The following METTL15 variants were observed in gnomAD, a reference collection of about 807,000 sequenced individuals.
METTL15 encodes the protein methyltransferase 15, mitochondrial 12S rRNA N4-cytidine.
In METTL15, 34 loss-of-function variants were observed where a neutral mutation model predicts 38.3. That is an observed-to-expected ratio of 0.89 (90% CI 0.68 to 1.18). The LOEUF is 1.18. METTL15 is among the 50% of genes most tolerant of loss of function. The pLI, the probability that METTL15 is intolerant of heterozygous loss-of-function variation, is 0.00. For missense variants in METTL15, 438 were observed against 498.4 expected (o/e 0.88, Z 1.15); for synonymous variants, 162 against 170.9 (o/e 0.95, Z 0.41).
At chr11:28,496,042 C>T (rs965741007) in intron 6 of METTL15, among the ~76,000 whole-genome samples, 2 of 152,062 alleles carry the variant, frequency 1.3e-5, no homozygotes, top group African/African-American at 4.8e-5. Context: ...TTGATCCTGG[C>T]ACAAATAGAC....
At chr11:28,336,385 A>G (rs1030180419), downstream of METTL15, among the ~76,000 whole-genome samples, 1 of 152,166 alleles carries the variant, frequency 6.6e-6, no homozygotes, top group East Asian at 1.9e-4. Context: ...TCCAAAATAC[A>G]TATTGAGGGG....
At chr11:28,481,000 G>C (rs555752553) in intron 6 of METTL15, among the ~76,000 whole-genome samples, 1 of 152,090 alleles carries the variant, frequency 6.6e-6, no homozygotes, top group African/African-American at 2.4e-5. Flanking sequence ...TGTTTAGGCA[G>C]GAAGAAGAGA....
At chr11:28,280,703 A>T (rs547411394) in intron 4 of METTL15, among the ~76,000 whole-genome samples, 84 of 146,956 alleles carry the variant, frequency 5.7e-4, no homozygotes, top group African/African-American at 2.0e-3. Context: ...AATTATTTCC[A>T]ATCTCTTCCT....
intron 5 of METTL15, among the ~76,000 whole-genome samples, chr11:28,376,156 G>A (rs547047775): frequency 2.6e-5 from 4 of 151,798 alleles, no homozygotes; most frequent in Non-Finnish European, 4.4e-5. Flanking sequence ...GATTTGGGGT[G>A]GAGAGTTCTG....
intron 4 of METTL15, among the ~76,000 whole-genome samples, chr11:28,243,496 C>T (rs932805040): frequency 6.6e-6 from 1 of 152,256 alleles, no homozygotes; most frequent in Admixed American, 6.5e-5. Context: ...TAGTATGTAT[C>T]ATAACTATAG....
At chr11:28,471,561 C>T (rs1336694403) in intron 6 of METTL15, among the ~76,000 whole-genome samples, 1 of 152,110 alleles carries the variant, frequency 6.6e-6, no homozygotes, top group East Asian at 1.9e-4. Context: ...TTGTAGCCCT[C>T]TCTTTGTGTG....
chr11:28,185,911 G>A (rs913913913), intron 3 of METTL15, among the ~76,000 whole-genome samples: 9 of 149,054 alleles, frequency 6.0e-5, no homozygotes, highest in East Asian at 3.9e-4. Context: ...ATATACACAC[G>A]TATCTAATAT....
chr11:28,311,041 CATT>C lies in METTL15; in HGVS notation c.778+14114_778+14116del, dbSNP rs778809490. 3.2e-4 allele frequency among the ~76,000 whole-genome samples: 47 copies of C among 147,234 alleles called. 1 individual carries two copies. Among genetic ancestry groups the C allele is most frequent in the Non-Finnish European group, 1.5e-4 (10 of 66,972 alleles). On this transcript the variant is annotated intron_variant, in intron 6 of 6. Transcript: ENST00000407364. ...GAGAGAGAGGAAGAGAGATTCCATCCATTATTTCCCAAGTTGGGCATGGTCTTT... is the reference window on the plus strand; with the variant it reads ...GAGAGAGAGGAAGAGAGATTCCATCCATTTCCCAAGTTGGGCATGGTCTTT...
chr11:28,464,738 G>A (rs888307073), intron 6 of METTL15, among the ~76,000 whole-genome samples: 1 of 152,160 alleles, frequency 6.6e-6, no homozygotes, highest in Non-Finnish European at 1.5e-5. Flanking sequence ...TTGGGGATCA[G>A]ATTAAGTTCT....
intron 4 of METTL15, among the ~76,000 whole-genome samples, chr11:28,254,773 A>G (rs933289485): frequency 1.3e-4 from 20 of 152,116 alleles, no homozygotes; most frequent in African/African-American, 4.8e-4. Context: ...TTTGTGTAAA[A>G]TGAATTCACT....
chr11:28,293,465 A>G (rs1263541743), intron 5 of METTL15, among the ~76,000 whole-genome samples: 4 of 152,142 alleles, frequency 2.6e-5, no homozygotes, highest in Non-Finnish European at 4.4e-5. Flanking sequence ...GTAGCCTTGT[A>G]GTATAGTTTG....
At chr11:28,422,899 TAAAGA>T (rs1316732413) in intron 5 of METTL15, among the ~76,000 whole-genome samples, 2 of 151,460 alleles carry the variant, frequency 1.3e-5, no homozygotes, top group Non-Finnish European at 3.0e-5. Flanking sequence ...ATCAACAAAG[TAAAGA>T]AAACAGCCCA....
chr11:28,504,402 A>C (rs1331673502), intron 6 of METTL15, among the ~76,000 whole-genome samples: 2 of 152,206 alleles, frequency 1.3e-5, no homozygotes, highest in East Asian at 3.9e-4. Flanking sequence ...GTTGCCATCA[A>C]GAAGTATGTC....
intron 3 of METTL15, among the ~76,000 whole-genome samples, chr11:28,156,959 G>A (rs547634490): frequency 2.0e-4 from 31 of 152,166 alleles, no homozygotes; most frequent in Non-Finnish European, 3.4e-4. Context: ...TGTTTAATCT[G>A]TGATAGATAT....
At chr11:28,134,575 A>C in intron 3 of METTL15, 1 of 398,308 alleles carries the variant, frequency 2.5e-6, no homozygotes, top group Non-Finnish European at 4.4e-6. Flanking sequence ...GTGGACGAAG[A>C]CCTCTCTTAA....
At chr11:28,503,642 T>C (rs1335029603) in intron 6 of METTL15, among the ~76,000 whole-genome samples, 1 of 150,364 alleles carries the variant, frequency 6.7e-6, no homozygotes, top group African/African-American at 2.5e-5. Flanking sequence ...AATATAAAAA[T>C]TAGCCAGGCG....
intron 3 of METTL15, among the ~76,000 whole-genome samples, chr11:28,148,027 T>C (rs1344502697): frequency 6.6e-6 from 1 of 151,888 alleles, no homozygotes; most frequent in African/African-American, 2.4e-5. Context: ...TTCAGTCTTC[T>C]TATCCAACCT....
Position 28,108,505 on chromosome 11 carries a change from G to T in METTL15, c.-254+53G>T, listed in dbSNP as rs184715067. The T allele has an allele frequency of 1.5e-3, 236 of 152,784 alleles. 1 individual carries two copies. Among genetic ancestry groups the T allele is most frequent in the Non-Finnish European group, 2.7e-3 (187 of 68,406 alleles). The allele number at this position is 152,784 out of a possible 1,614,324, so 9.5% of individuals were successfully genotyped here. On this transcript the variant is annotated intron_variant, in intron 1 of 6. Transcript: ENST00000407364. ...GTTGGCCTATGCCCTCTGCTAGGGG[G>T]AGAGGTGGAGTTTGGGTGTGGATTA...
At chr11:28,194,182 C>CTTTCTTTCTTTT (rs1851817781) in intron 3 of METTL15, among the ~76,000 whole-genome samples, 1 of 12,174 alleles carries the variant, frequency 8.2e-5, no homozygotes, top group African/African-American at 4.2e-4. Flanking sequence ...CTTTTTCTCT[C>CTTTCTTTCTTTT]TCTCTCTCTC....
Sources: allele counts gnomAD v4.1 joint callset (sites outside exome capture counted in the v4.1 genomes callset), GRCh38; gene constraint gnomAD v4.1.1; transcripts MANE v1.5; gene names NCBI Gene and HGNC (gene_info 2026-07-23, HGNC 2026-07-21).